Variants in DLGAP2 observed in about 807,000 individuals in gnomAD.
The protein encoded by DLGAP2 is disks large-associated protein 2.
DLGAP2 carries 26 observed loss-of-function variants against 100.3 expected under a neutral mutation model. The ratio of observed to expected loss-of-function variants is 0.26; its 90% CI spans 0.19 to 0.36. The LOEUF is 0.36. DLGAP2 is among the 10% of genes least tolerant of loss of function. The pLI is 1.00. For missense variants in DLGAP2, 1,858 were observed against 1,453.2 expected (o/e 1.28, Z -4.53); for synonymous variants, 886 against 630.1 (o/e 1.41, Z -6.08).
intron 3 of DLGAP2, among the ~76,000 whole-genome samples, chr8:1,494,704 G>C (rs1275023156): frequency 2.6e-5 from 4 of 151,972 alleles, no homozygotes; most frequent in South Asian, 2.1e-4. Flanking sequence ...CTCCAGCCTG[G>C]GCAACAGACC....
intron 2 of DLGAP2, among the ~76,000 whole-genome samples, chr8:1,164,462 C>A (rs1796974827): frequency 6.6e-6 from 1 of 150,424 alleles, no homozygotes; most frequent in Admixed American, 6.6e-5. Context: ...GATGGCCTGG[C>A]TCTCACTGGC....
intron 3 of DLGAP2, chr8:1,296,186 C>T (rs34396096): frequency 0.81 from 123,269 of 152,082 alleles, 50,324 homozygotes; most frequent in African/African-American, 0.9. Flanking sequence ...CCTTTCGTGG[C>T]GCAGGTGGGC....
chr8:1,371,438 G>T (rs1274084791), intron 3 of DLGAP2, among the ~76,000 whole-genome samples: 2 of 152,228 alleles, frequency 1.3e-5, no homozygotes, highest in Admixed American at 1.3e-4. Context: ...GAGATGGACA[G>T]AAAGGCAGGA....
chr8:799,861 T>C (rs916547242), intron 1 of DLGAP2, among the ~76,000 whole-genome samples: 1 of 152,068 alleles, frequency 6.6e-6, no homozygotes, highest in Non-Finnish European at 1.5e-5. Flanking sequence ...CCTCTCAGAG[T>C]GCTGGGATGA....
At chr8:1,377,836 CG>C (rs1276344586) in intron 3 of DLGAP2, 4 of 152,328 alleles carry the variant, frequency 2.6e-5, no homozygotes, top group African/African-American at 9.6e-5. Flanking sequence ...AGCATAGGCA[CG>C]GAAGTGTGCC....
At chr8:746,063 A>G (rs572774025) in intron 1 of DLGAP2, among the ~76,000 whole-genome samples, 53 of 152,232 alleles carry the variant, frequency 3.5e-4, no homozygotes, top group African/African-American at 1.2e-3. Flanking sequence ...CCTGAACTTC[A>G]GTGATGGTCC....
chr8:876,807 T>G (rs990501367), intron 1 of DLGAP2, among the ~76,000 whole-genome samples: 5 of 152,216 alleles, frequency 3.3e-5, no homozygotes, highest in African/African-American at 4.8e-5. Flanking sequence ...TCTGAGCTCC[T>G]TCAGTTGTCT....
intron 2 of DLGAP2, among the ~76,000 whole-genome samples, chr8:1,125,008 G>A (rs189851890): frequency 3.2e-4 from 49 of 152,186 alleles, no homozygotes; most frequent in Non-Finnish European, 5.9e-4. Context: ...CGTCTCCCTC[G>A]TCTCTGACTG....
chr8:1,256,263 GCC>G (rs1799212484), intron 2 of DLGAP2, among the ~76,000 whole-genome samples: 1 of 122,252 alleles, frequency 8.2e-6, no homozygotes. Flanking sequence ...GTCCTCTCCT[GCC>G]TGGGTGCTGT....
intron 3 of DLGAP2, among the ~76,000 whole-genome samples, chr8:1,492,033 T>C: frequency 6.6e-6 from 1 of 152,218 alleles, no homozygotes; most frequent in East Asian, 1.9e-4. Flanking sequence ...CTGATTGTCA[T>C]TCTTAGTTGA....
chr8:1,383,707 C>T (rs1450223101), intron 3 of DLGAP2, among the ~76,000 whole-genome samples: 1 of 152,158 alleles, frequency 6.6e-6, no homozygotes. Context: ...TCTGTAAGGT[C>T]AGTGAAAACT....
intron 13 of DLGAP2, among the ~76,000 whole-genome samples, chr8:1,692,836 A>T (rs1799287288): frequency 6.6e-6 from 1 of 151,112 alleles, no homozygotes; most frequent in South Asian, 2.1e-4. Flanking sequence ...GAAAAACCAC[A>T]TATATATTTA....
At chr8:940,197 T>G (rs2129005126) in intron 2 of DLGAP2, among the ~76,000 whole-genome samples, 1 of 152,182 alleles carries the variant, frequency 6.6e-6, no homozygotes, top group South Asian at 2.1e-4. Flanking sequence ...TGACATTTAC[T>G]TAAGTTCTCT....
intron 2 of DLGAP2, among the ~76,000 whole-genome samples, chr8:987,071 C>T (rs1447132447): frequency 2.6e-5 from 4 of 152,160 alleles, no homozygotes; most frequent in Non-Finnish European, 5.9e-5. Flanking sequence ...TGATTTTTTT[C>T]TGCTTCACCA....
At chr8:1,294,107 C>T (rs766203557) in intron 3 of DLGAP2, among the ~76,000 whole-genome samples, 5 of 152,160 alleles carry the variant, frequency 3.3e-5, no homozygotes, top group African/African-American at 4.8e-5. Context: ...TGTGGAGGAG[C>T]AGGTGGTCCC....
intron 2 of DLGAP2, among the ~76,000 whole-genome samples, chr8:920,167 G>T (rs557637296): frequency 6.6e-6 from 1 of 152,218 alleles, no homozygotes; most frequent in Non-Finnish European, 1.5e-5. Flanking sequence ...CTGTGACCAC[G>T]CATGTCATCC....
chr8:1,532,200 T>C (rs1801009182), intron 4 of DLGAP2, among the ~76,000 whole-genome samples: 1 of 152,166 alleles, frequency 6.6e-6, no homozygotes, highest in Admixed American at 6.5e-5. Flanking sequence ...CCCTTTAGCT[T>C]AGTGATATTG....
chr8:1,240,199 A>T (rs1277682186), intron 2 of DLGAP2, among the ~76,000 whole-genome samples: 2 of 132,736 alleles, frequency 1.5e-5, no homozygotes, highest in Non-Finnish European at 3.2e-5. Flanking sequence ...TATCGTGTCT[A>T]GTTCTCTCAC....
chr8:961,674 T>C (rs775420775), intron 2 of DLGAP2, among the ~76,000 whole-genome samples: 12 of 152,204 alleles, frequency 7.9e-5, no homozygotes, highest in Non-Finnish European at 1.8e-4. Context: ...CAAAGTAACA[T>C]ACTAGTATTT....
Sources: allele counts gnomAD v4.1 joint callset (sites outside exome capture counted in the v4.1 genomes callset), GRCh38; gene constraint gnomAD v4.1.1; transcripts MANE v1.5; gene names NCBI Gene and HGNC (gene_info 2026-07-23, HGNC 2026-07-21).